The following CNTN3 variants were observed in gnomAD, a reference collection of about 807,000 sequenced individuals.
CNTN3 encodes contactin 3.
CNTN3 carries 60 observed loss-of-function variants against 119.1 expected under a neutral mutation model. The observed-to-expected ratio is 0.50, with a 90% CI of 0.41 to 0.62. CNTN3 has a LOEUF of 0.62. Among genes scored for constraint, CNTN3 ranks in the 20% least tolerant of loss-of-function variants. The probability of loss-of-function intolerance (pLI) is 0.00; values close to 1 mark genes in which losing one functional copy is unlikely to be tolerated. For missense variants in CNTN3, 1,101 were observed against 1,242.4 expected (o/e 0.89, Z 1.71); for synonymous variants, 450 against 438.7 (o/e 1.03, Z -0.32).
intron 5 of CNTN3, among the ~76,000 whole-genome samples, chr3:74,392,143 A>G (rs1559578615): frequency 6.6e-6 from 1 of 152,222 alleles, no homozygotes; most frequent in Non-Finnish European, 1.5e-5. Flanking sequence ...GGAGAAAAAA[A>G]CAACAGTGAG....
intron 4 of CNTN3, among the ~76,000 whole-genome samples, chr3:74,435,488 T>A (rs1701851273): frequency 6.6e-6 from 1 of 152,190 alleles, no homozygotes; most frequent in Admixed American, 6.5e-5. Context: ...GGAACTATTT[T>A]GTAATGCAGA....
chr3:74,327,536 G>A (rs1261535105), intron 13 of CNTN3, among the ~76,000 whole-genome samples: 3 of 152,060 alleles, frequency 2.0e-5, no homozygotes, highest in Non-Finnish European at 4.4e-5. Flanking sequence ...TACTATCTTG[G>A]TAGGTTTTGT....
At chr3:74,333,795 C>T (rs531931602) in intron 13 of CNTN3, among the ~76,000 whole-genome samples, 38 of 152,262 alleles carry the variant, frequency 2.5e-4, no homozygotes, top group Admixed American at 2.0e-3. Flanking sequence ...CAAATACATA[C>T]ATTTAATAAG....
chr3:74,370,540 C>T (rs1276278860), intron 6 of CNTN3, among the ~76,000 whole-genome samples: 1 of 151,980 alleles, frequency 6.6e-6, no homozygotes, highest in Non-Finnish European at 1.5e-5. Context: ...TAAATGGCTC[C>T]CTGGAGTTAA....
intron 1 of CNTN3, among the ~76,000 whole-genome samples, chr3:74,538,466 T>G (rs150256404): frequency 6.6e-6 from 1 of 152,188 alleles, no homozygotes; most frequent in Non-Finnish European, 1.5e-5. Flanking sequence ...GGGTCAGAGA[T>G]CTATTATTTT....
At chr3:74,517,796 AT>A (rs2107116516) in intron 2 of CNTN3, among the ~76,000 whole-genome samples, 1 of 151,698 alleles carries the variant, frequency 6.6e-6, no homozygotes, top group East Asian at 2.0e-4. Context: ...TCCATACTTC[AT>A]CCTTAAACCT....
rs116400468 is a variant in CNTN3, at chr3:74,352,564, C to T, written c.1364+9326G>A. On this transcript the variant is annotated intron_variant, in intron 11 of 22. Coordinates refer to ENST00000263665, the MANE Select transcript of CNTN3 (RefSeq NM_020872.3). ...CACTGTAATTGATGGTTTAGTTATC[C>T]ACATTCTAAACAGACTGTGGGCTTT... Among the ~76,000 whole-genome samples the T allele has an allele frequency of 3.3e-3, 499 of 152,246 alleles. 1 individual carries two copies. Among genetic ancestry groups the T allele is most frequent in the Non-Finnish European group, 3.4e-3 (228 of 68,024 alleles).
chr3:74,464,840 T>A (rs1702433283), intron 4 of CNTN3, among the ~76,000 whole-genome samples: 1 of 152,290 alleles, frequency 6.6e-6, no homozygotes. Context: ...TGTACTTCTA[T>A]CCCCTAAATG....
intron 17 of CNTN3, 41 bp downstream of exon 17, chr3:74,299,827 C>T (rs116482843): frequency 1.7e-5 from 26 of 1,540,024 alleles, no homozygotes; most frequent in Non-Finnish European, 2.2e-5. Context: ...ATCATGGGAA[C>T]AGCAAGACCC....
intron 22 of CNTN3, 64 bp from the exon 23 acceptor site, chr3:74,264,565 G>T: frequency 1.8e-6 from 2 of 1,095,968 alleles, no homozygotes; most frequent in Non-Finnish European, 2.7e-6. Flanking sequence ...GGGTGCTAGA[G>T]ACTGGATATT....
At chr3:74,492,761 ATGTG>A (rs906151104) in intron 3 of CNTN3, among the ~76,000 whole-genome samples, 1 of 151,486 alleles carries the variant, frequency 6.6e-6, no homozygotes, top group Non-Finnish European at 1.5e-5. Context: ...AAGAAAACGA[ATGTG>A]TGTGTGTGTG....
intron 18 of CNTN3, among the ~76,000 whole-genome samples, chr3:74,295,593 G>T (rs1321392428): frequency 6.6e-6 from 1 of 151,978 alleles, no homozygotes; most frequent in African/African-American, 2.4e-5. Context: ...TCTGCCCACA[G>T]ACGCTACTTA....
At chr3:74,326,936 C>A (rs894706851) in intron 13 of CNTN3, among the ~76,000 whole-genome samples, 1 of 151,836 alleles carries the variant, frequency 6.6e-6, no homozygotes, top group Non-Finnish European at 1.5e-5. Flanking sequence ...GAAGAAGTAT[C>A]TTTGTGTTCC....
intron 13 of CNTN3, 70 bp downstream of exon 13, chr3:74,334,661 TCAGA>T: frequency 7.5e-7 from 1 of 1,341,976 alleles, no homozygotes. Context: ...TGTCTATATG[TCAGA>T]CAGTTTTCAG....
At chr3:74,594,003 T>C (rs1055072819) in intron 1 of CNTN3, among the ~76,000 whole-genome samples, 1 of 151,988 alleles carries the variant, frequency 6.6e-6, no homozygotes, top group Non-Finnish European at 1.5e-5. Context: ...GGATTGAAGA[T>C]GTAGGCAGCA....
chr3:74,465,525 A>G (rs927795098), intron 4 of CNTN3, among the ~76,000 whole-genome samples: 13 of 152,218 alleles, frequency 8.5e-5, no homozygotes, highest in African/African-American at 3.1e-4. Flanking sequence ...GGTGTCTTCT[A>G]ATGGAAGAAT....
intron 2 of CNTN3, among the ~76,000 whole-genome samples, chr3:74,515,731 C>A (rs1334879073): frequency 6.6e-6 from 1 of 152,008 alleles, no homozygotes; most frequent in Non-Finnish European, 1.5e-5. Context: ...GCCAGTTGAT[C>A]TCAATGAACC....
intron 5 of CNTN3, among the ~76,000 whole-genome samples, chr3:74,382,486 C>A (rs951597011): frequency 2.6e-5 from 4 of 152,196 alleles, no homozygotes; most frequent in African/African-American, 9.6e-5. Context: ...AAATTTTGGA[C>A]CCTTTGACCT....
intron 20 of CNTN3, among the ~76,000 whole-genome samples, chr3:74,285,098 G>A (rs1478531862): frequency 6.6e-6 from 1 of 152,098 alleles, no homozygotes; most frequent in Admixed American, 6.5e-5. Context: ...GAAGGTGCAC[G>A]TTCATTTTCA....
Sources: gnomAD v4.1 joint callset for allele counts (sites outside exome capture counted in the v4.1 genomes callset) on GRCh38, gnomAD v4.1.1 for gene constraint, MANE v1.5 for transcripts, NCBI Gene and HGNC (gene_info 2026-07-23, HGNC 2026-07-21) for gene names.